Variants in SLC8A1 observed in about 807,000 individuals in gnomAD.
The protein encoded by SLC8A1 is solute carrier family 8 member A1, also known as sodium/calcium exchanger 1.
In SLC8A1, 18 loss-of-function variants were observed where a neutral mutation model predicts 68.3. That is an observed-to-expected ratio of 0.26 (90% CI 0.18 to 0.39). The LOEUF (loss-of-function observed/expected upper bound fraction) is 0.39. Ranked by LOEUF, SLC8A1 falls within the 10% of genes least tolerant of loss-of-function variation. The pLI, the probability that SLC8A1 is intolerant of heterozygous loss-of-function variation, is 1.00. For missense variants in SLC8A1, 985 were observed against 1,156.7 expected (o/e 0.85, Z 2.15); for synonymous variants, 475 against 415.5 (o/e 1.14, Z -1.74).
chr2:40,221,381 T>G (rs1003168034), intron 2 of SLC8A1, among the ~76,000 whole-genome samples: 1 of 152,144 alleles, frequency 6.6e-6, no homozygotes, highest in South Asian at 2.1e-4. Flanking sequence ...AGAACGTATT[T>G]CAAAATAATA....
chr2:40,508,083 T>A (rs945520906), intron 1 of SLC8A1, among the ~76,000 whole-genome samples: 1 of 152,140 alleles, frequency 6.6e-6, no homozygotes, highest in Non-Finnish European at 1.5e-5. Flanking sequence ...TCATTTCATA[T>A]ATAATTGCAC....
rs551446513 is a variant in SLC8A1, at chr2:40,405,072, C to T, written c.1808+23401G>A. The stretch of plus-strand genomic sequence containing the variant: ...CTCCCCAGCCCCATAGGATGTAATT[C>T]ATTTCAACAGAGGATTGGAGACAAT... On this transcript the variant is annotated intron_variant, in intron 2 of 7. Transcript: ENST00000406785. Among the ~76,000 whole-genome samples, 8 of 152,260 alleles carry T rather than the reference C, an allele frequency of 5.3e-5. 1 individual carries two copies. In the South Asian group the frequency reaches 1.7e-3, roughly 32 times the overall value.
intron 2 of SLC8A1, among the ~76,000 whole-genome samples, chr2:40,367,036 C>CA (rs1179088653): frequency 5.3e-5 from 8 of 151,748 alleles, no homozygotes; most frequent in Non-Finnish European, 1.0e-4. Context: ...GTGTGGTTGT[C>CA]AAAAAAATGA....
intron 2 of SLC8A1, among the ~76,000 whole-genome samples, chr2:40,205,443 T>A (rs1157026953): frequency 6.6e-6 from 1 of 152,032 alleles, no homozygotes; most frequent in Non-Finnish European, 1.5e-5. Flanking sequence ...TGCATAGTAT[T>A]CCATGGTGTA....
chr2:40,268,575 T>C (rs1189550258), intron 2 of SLC8A1, among the ~76,000 whole-genome samples: 7 of 152,206 alleles, frequency 4.6e-5, no homozygotes, highest in African/African-American at 1.7e-4. Flanking sequence ...TATTCCACGC[T>C]GAAAAGTGTT....
intron 6 of SLC8A1, among the ~76,000 whole-genome samples, chr2:40,153,729 T>C (rs1466788124): frequency 2.0e-5 from 3 of 152,176 alleles, no homozygotes; most frequent in Admixed American, 2.0e-4. Flanking sequence ...CCTGACACAA[T>C]TTCTAGCTCC....
At chr2:40,180,345 T>C (rs535007788) in intron 2 of SLC8A1, among the ~76,000 whole-genome samples, 2 of 152,192 alleles carry the variant, frequency 1.3e-5, no homozygotes, top group Non-Finnish European at 2.9e-5. Context: ...TAAGGAATGA[T>C]TGATTATTTG....
intron 6 of SLC8A1, among the ~76,000 whole-genome samples, chr2:40,148,684 C>A (rs539511609): frequency 4.6e-5 from 7 of 152,212 alleles, no homozygotes; most frequent in Non-Finnish European, 8.8e-5. Flanking sequence ...ATCCTGTGTG[C>A]CTCAGTTTCT....
chr2:40,461,590 C>T (rs1489873867), intron 1 of SLC8A1, among the ~76,000 whole-genome samples: 1 of 152,156 alleles, frequency 6.6e-6, no homozygotes, highest in Non-Finnish European at 1.5e-5. Context: ...CTAAGTCTGA[C>T]AAAGGATGGA....
chr2:40,437,593 G>T (rs1464669014), intron 1 of SLC8A1, among the ~76,000 whole-genome samples: 2 of 152,054 alleles, frequency 1.3e-5, no homozygotes, highest in Non-Finnish European at 2.9e-5. Context: ...GATAATGAAC[G>T]GGAGCCAGGG....
intron 2 of SLC8A1, among the ~76,000 whole-genome samples, chr2:40,323,422 G>C (rs976886859): frequency 6.6e-6 from 1 of 151,922 alleles, no homozygotes; most frequent in East Asian, 1.9e-4. Context: ...TTTTAAAAAA[G>C]GTCAATTTCC....
chr2:40,439,965 T>C (rs530911214), intron 1 of SLC8A1, among the ~76,000 whole-genome samples: 27 of 152,286 alleles, frequency 1.8e-4, no homozygotes, highest in African/African-American at 5.8e-4. Context: ...TATTACAATA[T>C]TGTATAGTAT....
At chr2:40,483,933 A>C (rs994042576) in intron 1 of SLC8A1, among the ~76,000 whole-genome samples, 1 of 152,190 alleles carries the variant, frequency 6.6e-6, no homozygotes, top group African/African-American at 2.4e-5. Context: ...GAGACAGAAC[A>C]CTATCTAGTT....
intron 2 of SLC8A1, among the ~76,000 whole-genome samples, chr2:40,326,334 T>C (rs1423839624): frequency 6.6e-6 from 1 of 152,086 alleles, no homozygotes; most frequent in African/African-American, 2.4e-5. Flanking sequence ...AGAACAGATC[T>C]CCTGGCCAAG....
chr2:40,253,074 A>T (rs2063174473), intron 2 of SLC8A1, among the ~76,000 whole-genome samples: 1 of 118,416 alleles, frequency 8.4e-6, no homozygotes, highest in African/African-American at 3.0e-5. Context: ...TATACTATAT[A>T]TGTGTATAAA....
At chr2:40,272,166 C>T (rs546193605) in intron 2 of SLC8A1, among the ~76,000 whole-genome samples, 7 of 152,166 alleles carry the variant, frequency 4.6e-5, no homozygotes, top group Non-Finnish European at 5.9e-5. Flanking sequence ...CTGCACCTGG[C>T]CAAAACTTAT....
chr2:40,264,890 T>C (rs182462553), intron 2 of SLC8A1, among the ~76,000 whole-genome samples: 7 of 152,290 alleles, frequency 4.6e-5, no homozygotes, highest in African/African-American at 1.2e-4. Context: ...CCATTAATTA[T>C]AGCAACACCC....
intron 2 of SLC8A1, among the ~76,000 whole-genome samples, chr2:40,234,904 A>G (rs1383840299): frequency 6.6e-6 from 1 of 152,116 alleles, no homozygotes; most frequent in Non-Finnish European, 1.5e-5. Context: ...GATTATATTT[A>G]TTGATTTGCG....
At chr2:40,267,476 T>C (rs2149120493) in intron 2 of SLC8A1, among the ~76,000 whole-genome samples, 1 of 152,300 alleles carries the variant, frequency 6.6e-6, no homozygotes, top group East Asian at 1.9e-4. Context: ...AGAATGACAG[T>C]CCTGGGAAAG....
Sources: gnomAD v4.1 joint callset for allele counts (sites outside exome capture counted in the v4.1 genomes callset) on GRCh38, gnomAD v4.1.1 for gene constraint, MANE v1.5 for transcripts, NCBI Gene and HGNC (gene_info 2026-07-23, HGNC 2026-07-21) for gene names.